Variants in RBPMS observed in about 807,000 individuals in gnomAD.
RBPMS encodes the protein RNA binding protein, mRNA processing factor.
A neutral mutation model predicts 26.8 loss-of-function variants in RBPMS; 7 were observed. The ratio of observed to expected loss-of-function variants is 0.26; its 90% CI spans 0.15 to 0.49. The LOEUF is 0.49. RBPMS is among the 20% of genes least tolerant of loss of function. The pLI is 0.98. For missense variants in RBPMS, 186 were observed against 250.0 expected, an observed-to-expected ratio of 0.74 and a Z score of 1.73; for synonymous variants, 96 against 93.3, an observed-to-expected ratio of 1.03 and a Z score of -0.17.
intron 8 of RBPMS, among the ~76,000 whole-genome samples, chr8:30,569,749 T>C (rs895398380): frequency 6.6e-6 from 1 of 151,998 alleles, no homozygotes; most frequent in Non-Finnish European, 1.5e-5. Context: ...GGACAGGAAA[T>C]GAGGTCGGTG....
At chr8:30,462,646 T>A (rs1816050078) in intron 1 of RBPMS, among the ~76,000 whole-genome samples, 1 of 152,126 alleles carries the variant, frequency 6.6e-6, no homozygotes, top group South Asian at 2.1e-4. Flanking sequence ...CAGGCTGGTC[T>A]CGAACTCCTG....
At chr8:30,461,085 C>G (rs916723942) in intron 1 of RBPMS, among the ~76,000 whole-genome samples, 29 of 151,550 alleles carry the variant, frequency 1.9e-4, no homozygotes, top group African/African-American at 6.0e-4. Context: ...AAAGACCAGT[C>G]TTCTGGTGGG....
At chr8:30,417,242 C>G (rs1340908935) in intron 1 of RBPMS, among the ~76,000 whole-genome samples, 4 of 152,038 alleles carry the variant, frequency 2.6e-5, no homozygotes, top group Non-Finnish European at 5.9e-5. Context: ...AGAAAGAAAA[C>G]CAAATATATC....
intron 6 of RBPMS, chr8:30,553,075 A>G (rs1341083791): frequency 6.6e-6 from 1 of 152,216 alleles, no homozygotes; most frequent in East Asian, 1.9e-4. Flanking sequence ...AGTCATACAA[A>G]TCTTGACATT....
intron 6 of RBPMS, 58 bp from the exon 7 acceptor site, chr8:30,558,829 T>G: frequency 5.0e-5 from 72 of 1,445,478 alleles, no homozygotes; most frequent in Non-Finnish European, 6.3e-5. Flanking sequence ...GGACCCTCCG[T>G]GAGAATGGGG....
chr8:30,558,770 AGTGT>A (rs1197228300), intron 6 of RBPMS, 113 bp from the exon 7 acceptor site: 7 of 836,836 alleles, frequency 8.4e-6, no homozygotes, highest in Non-Finnish European at 1.4e-5. Flanking sequence ...CTCACAGGCT[AGTGT>A]GAGTGGGTAC....
intron 1 of RBPMS, among the ~76,000 whole-genome samples, chr8:30,412,918 G>A (rs951113708): frequency 2.0e-5 from 3 of 152,054 alleles, no homozygotes; most frequent in Admixed American, 6.6e-5. Flanking sequence ...TAATGACATC[G>A]ATTTAGGCTA....
intron 1 of RBPMS, among the ~76,000 whole-genome samples, chr8:30,388,312 A>G (rs1807350409): frequency 6.6e-6 from 1 of 151,800 alleles, no homozygotes; most frequent in Non-Finnish European, 1.5e-5. Flanking sequence ...TATATAATAG[A>G]TCCATAATTA....
intron 6 of RBPMS, chr8:30,556,588 AC>A: frequency 1.0e-6 from 1 of 986,222 alleles, no homozygotes; most frequent in Non-Finnish European, 1.2e-6. Flanking sequence ...CCCAGGCCGC[AC>A]CAGTCACACC....
chr8:30,414,486 C>T (rs1276422869), intron 1 of RBPMS, among the ~76,000 whole-genome samples: 1 of 152,198 alleles, frequency 6.6e-6, no homozygotes, highest in Non-Finnish European at 1.5e-5. Context: ...TATGGGTCAG[C>T]CAGCTCTGCT....
chr8:30,419,068 A>G lies in RBPMS; in HGVS notation c.66+33910A>G, dbSNP rs541210277. 9.3e-3 allele frequency among the ~76,000 whole-genome samples: 840 copies of G among 90,640 alleles called. 3 individuals are homozygous for G. The highest frequency in any genetic ancestry group is 0.015 in the Middle Eastern group (3 of 202). 59.5% of individuals were successfully genotyped at this position (90,640 alleles called of 152,430 possible). A position where few individuals can be genotyped will look rare whatever the true frequency, so the allele number is the denominator to read the frequency against. Reference sequence around the variant, plus strand: ...ATAGAAAATCCAAGATTATCAGTTGAAAAAAAAAAAAAAACAGAACTAATA... The same window carrying G: ...ATAGAAAATCCAAGATTATCAGTTGGAAAAAAAAAAAAAACAGAACTAATA... On this transcript the variant is annotated intron_variant, in intron 1 of 8. Coordinates refer to ENST00000397323, the MANE Select transcript of RBPMS (RefSeq NM_001008710.3).
intron 1 of RBPMS, among the ~76,000 whole-genome samples, chr8:30,428,108 C>G (rs1156792555): frequency 6.6e-6 from 1 of 150,474 alleles, no homozygotes; most frequent in Non-Finnish European, 1.5e-5. Flanking sequence ...TCTGCAACCT[C>G]CGCTTCCTGG....
At chr8:30,457,240 A>C (rs1815324341) in intron 1 of RBPMS, among the ~76,000 whole-genome samples, 1 of 152,306 alleles carries the variant, frequency 6.6e-6, no homozygotes, top group Non-Finnish European at 1.5e-5. Flanking sequence ...TGAAATTCAC[A>C]AAATGGAAAA....
intron 7 of RBPMS, 21 bp downstream of exon 7, chr8:30,558,977 G>A: frequency 1.2e-6 from 2 of 1,607,048 alleles, no homozygotes; most frequent in Non-Finnish European, 1.7e-6. Context: ...GCTTTCCTTT[G>A]GAATGTGCGA....
In RBPMS at chr8:30,526,619, AC is replaced by A. The variant is rs557154582; in HGVS notation, c.398-17871del. On this transcript the variant is annotated intron_variant, in intron 5 of 8. Coordinates refer to ENST00000397323, the MANE Select transcript of RBPMS (RefSeq NM_001008710.3). ...AAAGCAATTCTGAACGTATGTGGCT[AC>A]CCCTTGATTTAGATGAATTACATTC... Among the ~76,000 whole-genome samples the A allele has an allele frequency of 1.4e-4, 22 of 152,296 alleles. No homozygotes were observed. In the East Asian group the frequency reaches 4.2e-3, roughly 29 times the overall value.
intron 1 of RBPMS, among the ~76,000 whole-genome samples, chr8:30,409,935 T>C (rs1326113347): frequency 2.0e-5 from 3 of 152,038 alleles, no homozygotes; most frequent in Admixed American, 6.6e-5. Context: ...CCAGCCTTAC[T>C]TATATTCTTT....
chr8:30,557,394 G>C (rs974860235), intron 6 of RBPMS, among the ~76,000 whole-genome samples: 2 of 152,152 alleles, frequency 1.3e-5, no homozygotes, highest in Admixed American at 6.5e-5. Flanking sequence ...AATCAAGTTA[G>C]GGGATCTCGT....
chr8:30,552,709 T>C (rs1826494507), intron 6 of RBPMS: 1 of 152,256 alleles, frequency 6.6e-6, no homozygotes, highest in African/African-American at 2.4e-5. Flanking sequence ...ACTTCTGAGA[T>C]GTCTGGGCAC....
chr8:30,387,562 C>A (rs936512393), intron 1 of RBPMS, among the ~76,000 whole-genome samples: 1 of 152,032 alleles, frequency 6.6e-6, no homozygotes, highest in Non-Finnish European at 1.5e-5. Context: ...GCGGTGGACT[C>A]CAGTAAACAG....
Sources: gnomAD v4.1 joint callset for allele counts (sites outside exome capture counted in the v4.1 genomes callset) on GRCh38, gnomAD v4.1.1 for gene constraint, MANE v1.5 for transcripts, NCBI Gene and HGNC (gene_info 2026-07-23, HGNC 2026-07-21) for gene names.